Variants in SLC5A8 observed in about 807,000 individuals in gnomAD.
SLC5A8 encodes sodium-coupled monocarboxylate transporter 1.
SLC5A8 carries 55 observed loss-of-function variants against 71.9 expected under a neutral mutation model. The observed-to-expected ratio is 0.77, with a 90% confidence interval of 0.62 to 0.96. The LOEUF (loss-of-function observed/expected upper bound fraction) is 0.96, where lower values mean the gene tolerates loss of function less well. SLC5A8 is among the 40% of genes least tolerant of loss of function. The pLI, the probability that SLC5A8 is intolerant of heterozygous loss-of-function variation, is 0.00. For missense variants in SLC5A8, 701 were observed against 745.3 expected (o/e 0.94, Z 0.69); for synonymous variants, 307 against 276.1 (o/e 1.11, Z -1.11).
At position 101,204,414 on chromosome 12, in the gene SLC5A8, T is replaced by C. The variant is rs998077083; in HGVS notation, c.417+86A>G. On this transcript the variant is annotated intron_variant, in intron 2 of 14. Coordinates refer to ENST00000536262, the MANE Select transcript of SLC5A8 (RefSeq NM_145913.5). ...TTCAACATCTCTTTTTTGTCTTTTA[T>C]GTGATTCCCAGGTAAGCTTAATCCA... 25 of 1,160,132 alleles carry C rather than the reference T, an allele frequency of 2.2e-5. 1 individual carries two copies. The highest frequency in any genetic ancestry group is 3.1e-5 in the African/African-American group (2 of 63,686). 71.9% of individuals were successfully genotyped at this position (1,160,132 alleles called of 1,614,324 possible).
chr12:101,188,421 G>A (rs1317697617), intron 6 of SLC5A8, among the ~76,000 whole-genome samples: 1 of 152,106 alleles, frequency 6.6e-6, no homozygotes, highest in African/African-American at 2.4e-5. Context: ...GCCCGAGGTG[G>A]AAAAGAGGTA....
chr12:101,206,209 T>A (rs753178818), intron 1 of SLC5A8, among the ~76,000 whole-genome samples: 1 of 152,176 alleles, frequency 6.6e-6, no homozygotes, highest in Non-Finnish European at 1.5e-5. Flanking sequence ...TGAATCTCAA[T>A]AAATTACAAG....
At chr12:101,164,607 C>T (rs1439576265) in intron 12 of SLC5A8, among the ~76,000 whole-genome samples, 2 of 152,058 alleles carry the variant, frequency 1.3e-5, no homozygotes, top group Non-Finnish European at 2.9e-5. Context: ...TTGCACCGGT[C>T]GTTTCTTCAT....
chr12:101,199,821 T>A (rs1869360517), intron 3 of SLC5A8, among the ~76,000 whole-genome samples: 3 of 151,108 alleles, frequency 2.0e-5, no homozygotes, highest in Admixed American at 1.3e-4. Context: ...TTATACTACA[T>A]CCATGTATTT....
intron 2 of SLC5A8, 43 bp downstream of exon 2, chr12:101,204,457 C>T (rs374458034): frequency 4.0e-4 from 610 of 1,520,646 alleles, no homozygotes; most frequent in Non-Finnish European, 5.0e-4. Flanking sequence ...TGGTTAAAAA[C>T]ATTTTAGCTG....
At chr12:101,208,229 C>T (rs552320051) in intron 1 of SLC5A8, among the ~76,000 whole-genome samples, 2 of 152,248 alleles carry the variant, frequency 1.3e-5, no homozygotes, top group East Asian at 3.9e-4. Flanking sequence ...AAACACAGCC[C>T]CAGAGTGAAT....
chr12:101,209,479 AG>A lies in SLC5A8; in HGVS notation c.351+18del. The A allele has an allele frequency of 5.6e-6, 5 of 900,098 alleles. No individual in the cohort carries two copies. The highest frequency in any genetic ancestry group is 3.0e-5 in the South Asian group (2 of 67,376). 55.8% of individuals were successfully genotyped at this position (900,098 alleles called of 1,614,324 possible). A position where few individuals can be genotyped will look rare whatever the true frequency, so the allele number is the denominator to read the frequency against. ...CTTCCCCCGCGCCCTGCATGGTCCCAGCCCACCCTGCCCCTTACCTCGTAGG... is the reference window on the plus strand; with the variant it reads ...CTTCCCCCGCGCCCTGCATGGTCCCACCCACCCTGCCCCTTACCTCGTAGG... On this transcript the variant is annotated intron_variant, in intron 1 of 14. Coordinates refer to ENST00000536262, the MANE Select transcript of SLC5A8 (RefSeq NM_145913.5).
chr12:101,209,894 G>A lies in SLC5A8; in HGVS notation c.-46C>T, dbSNP rs576817954. The A allele has an allele frequency of 1.6e-5, 23 of 1,460,424 alleles. No individual in the cohort carries two copies. The African/African-American group carries it at 2.6e-4, about 16-fold the overall frequency. The allele number at this position is 1,460,424 out of a possible 1,614,324, so 90.5% of individuals were successfully genotyped here. Reference sequence around the variant, plus strand: ...CCTGCGCGCAAACTGGTGGCCCCGCGGCGCGCAGCCGGAGCCCGGCGCGCA... The same window carrying A: ...CCTGCGCGCAAACTGGTGGCCCCGCAGCGCGCAGCCGGAGCCCGGCGCGCA... On this transcript the variant is annotated 5_prime_UTR_variant, in exon 1 of 15. Transcript: ENST00000536262.
At position 101,157,307 on chromosome 12, in the gene SLC5A8, CTCTGA is replaced by C; in HGVS notation, c.1800_1804del (p.Asp600GlufsTer14). On this transcript the variant is annotated frameshift_variant, in exon 15 of 15. Coordinates refer to ENST00000536262, the MANE Select transcript of SLC5A8 (RefSeq NM_145913.5). LOFTEE classifies it high-confidence loss of function. The stretch of plus-strand genomic sequence containing the variant: ...CAAACGAGTCCCATTGCTCTTGCCA[CTCTGA>C]TCTGAGTTCAATTCAATGTGGTTGA... 6.2e-7 allele frequency: 1 copy of C among 1,613,466 alleles called. No homozygotes were observed. Among genetic ancestry groups the C allele is most frequent in the Non-Finnish European group, 8.5e-7 (1 of 1,179,744 alleles).
intron 12 of SLC5A8, among the ~76,000 whole-genome samples, chr12:101,166,022 G>A (rs549510798): frequency 6.6e-6 from 1 of 152,264 alleles, no homozygotes; most frequent in African/African-American, 2.4e-5. Flanking sequence ...GATCACAGCT[G>A]CAATCACTTC....
Position 101,157,135 on chromosome 12 carries a change from T to C in SLC5A8, c.*144A>G. The C allele has an allele frequency of 1.1e-6, 1 of 870,064 alleles. No homozygotes were observed. The highest frequency in any genetic ancestry group is 1.7e-5 in the African/African-American group (1 of 59,162). 53.9% of individuals were successfully genotyped at this position (870,064 alleles called of 1,614,324 possible). A position where few individuals can be genotyped will look rare whatever the true frequency, so the allele number is the denominator to read the frequency against. On this transcript the variant is annotated 3_prime_UTR_variant, in exon 15 of 15. Transcript: ENST00000536262. ...TTAATGATGTAGTAAATGAAGATAG[T>C]CCAGACTTTGTTTTAACAAAAACTT...
In SLC5A8 at chr12:101,210,187, C is replaced by A; in HGVS notation, c.-339G>T. On this transcript the variant is annotated 5_prime_UTR_variant, in exon 1 of 15. Transcript: ENST00000536262. ...CCTGAGCAGATGAGAACTGGAGCCTCCAGCTGCTTCCAGCGAATCTACACA... is the reference window on the plus strand; with the variant it reads ...CCTGAGCAGATGAGAACTGGAGCCTACAGCTGCTTCCAGCGAATCTACACA... The A allele has an allele frequency of 3.5e-6, 1 of 283,950 alleles. No homozygotes were observed. Among genetic ancestry groups the A allele is most frequent in the Non-Finnish European group, 6.5e-6 (1 of 154,628 alleles). The allele number at this position is 283,950 out of a possible 1,614,324, so 17.6% of individuals were successfully genotyped here.
chr12:101,165,631 T>C (rs969988501), intron 12 of SLC5A8, among the ~76,000 whole-genome samples: 2 of 152,206 alleles, frequency 1.3e-5, no homozygotes, highest in African/African-American at 2.4e-5. Context: ...AGCTTTCTCA[T>C]AGCTGAATTC....
intron 3 of SLC5A8, among the ~76,000 whole-genome samples, chr12:101,196,079 T>C (rs1026974474): frequency 7.9e-5 from 12 of 152,188 alleles, no homozygotes; most frequent in African/African-American, 2.9e-4. Context: ...GGGGGTTCCT[T>C]GTACAGATTA....
rs955102007 is a variant in SLC5A8 at position 101,210,014 on chromosome 12, G to T, written c.-166C>A. 14 of 580,442 alleles carry T rather than the reference G, an allele frequency of 2.4e-5. No homozygotes were observed. Among genetic ancestry groups the T allele is most frequent in the Non-Finnish European group, 3.7e-5 (13 of 352,556 alleles). 36.0% of individuals were successfully genotyped at this position (580,442 alleles called of 1,614,324 possible). ...GGCCTCCGAACGCACCCCGAGGCGG[G>T]GTGAGGGCTGGCAGTCGCCCCTGCA... On this transcript the variant is annotated 5_prime_UTR_variant, in exon 1 of 15. Coordinates refer to ENST00000536262, the MANE Select transcript of SLC5A8 (RefSeq NM_145913.5).
At chr12:101,170,639 G>T (rs2051820326) in intron 10 of SLC5A8, among the ~76,000 whole-genome samples, 1 of 152,162 alleles carries the variant, frequency 6.6e-6, no homozygotes, top group East Asian at 1.9e-4. Flanking sequence ...AGCCTAGGAA[G>T]ATAGAAAACT....
At chr12:101,175,401 G>A (rs1244651953) in intron 10 of SLC5A8, among the ~76,000 whole-genome samples, 1 of 152,064 alleles carries the variant, frequency 6.6e-6, no homozygotes, top group East Asian at 1.9e-4. Flanking sequence ...AGTACTCAAA[G>A]AATTAATGTC....
chr12:101,174,314 C>A (rs769564849), intron 10 of SLC5A8, among the ~76,000 whole-genome samples: 6 of 152,158 alleles, frequency 3.9e-5, no homozygotes, highest in Admixed American at 2.0e-4. Flanking sequence ...GAGTCTTAGG[C>A]ACCATCTAAT....
At chr12:101,200,039 AAAAAAAAAAAAAAAAGG>A (rs1869381137) in intron 3 of SLC5A8, among the ~76,000 whole-genome samples, 2 of 100,902 alleles carry the variant, frequency 2.0e-5, no homozygotes, top group African/African-American at 8.9e-5. Flanking sequence ...AAAAAAAAAA[AAAAAAAAAAAAAAAAGG>A]GAATGAACTA....
Sources: gnomAD v4.1 joint callset for allele counts (sites outside exome capture counted in the v4.1 genomes callset) on GRCh38, gnomAD v4.1.1 for gene constraint, MANE v1.5 for transcripts, NCBI Gene and HGNC (gene_info 2026-07-23, HGNC 2026-07-21) for gene names.